The following LRFN5 variants were observed in gnomAD, a reference collection of about 807,000 sequenced individuals.
LRFN5 encodes leucine-rich repeat and fibronectin type-III domain-containing protein 5.
A neutral mutation model predicts 45.6 loss-of-function variants in LRFN5; 24 were observed. The ratio of observed to expected loss-of-function variants is 0.53; its 90% confidence interval spans 0.38 to 0.74. LRFN5 has a LOEUF of 0.74. Among genes scored for constraint, LRFN5 ranks in the 30% least tolerant of loss-of-function variants. The pLI, the probability that LRFN5 is intolerant of heterozygous loss-of-function variation, is 0.00. For synonymous variants in LRFN5, 340 were observed against 313.8 expected (o/e 1.08, Z -0.88); for missense variants, 776 against 861.5 (o/e 0.90, Z 1.24).
At chr14:41,712,645 T>A (rs865821896) in intron 1 of LRFN5, among the ~76,000 whole-genome samples, 1 of 152,276 alleles carries the variant, frequency 6.6e-6, no homozygotes, top group African/African-American at 2.4e-5. Context: ...ATCACAACAA[T>A]TTTTATATAA....
chr14:41,826,737 C>T (rs1244682595), intron 2 of LRFN5, among the ~76,000 whole-genome samples: 1 of 152,048 alleles, frequency 6.6e-6, no homozygotes, highest in Non-Finnish European at 1.5e-5. Flanking sequence ...CTGCCAGTGC[C>T]TACTCACATG....
rs544684149 is a variant in LRFN5, at chr14:41,630,642, A to G, written c.-197+22080A>G. 3.3e-5 allele frequency among the ~76,000 whole-genome samples: 5 copies of G among 152,212 alleles called. No individual in the cohort carries two copies. In the East Asian group the frequency reaches 5.8e-4, roughly 18 times the overall value. The stretch of plus-strand genomic sequence containing the variant: ...TTTAAGAGCATTGCTATTTTGCACT[A>G]TATACTTTTGAGAGAACATAAATGG... On this transcript the variant is annotated intron_variant, in intron 1 of 5. Coordinates refer to ENST00000298119, the MANE Select transcript of LRFN5 (RefSeq NM_152447.5).
intron 4 of LRFN5, chr14:41,892,847 A>C (rs992705046): frequency 2.0e-6 from 2 of 985,240 alleles, no homozygotes; most frequent in Non-Finnish European, 2.4e-6. Flanking sequence ...ATGCATCTAC[A>C]TGGACATATG....
At chr14:41,650,271 A>C (rs112375530) in intron 1 of LRFN5, among the ~76,000 whole-genome samples, 102 of 111,670 alleles carry the variant, frequency 9.1e-4, no homozygotes, top group African/African-American at 1.6e-3. Flanking sequence ...ACACACAAAA[A>C]AAAAAAAGAT....
chr14:41,730,233 T>C (rs1281030976), intron 1 of LRFN5, among the ~76,000 whole-genome samples: 1 of 152,074 alleles, frequency 6.6e-6, no homozygotes, highest in Non-Finnish European at 1.5e-5. Flanking sequence ...CACCTTGTAT[T>C]ACAAAGATGA....
At chr14:41,646,884 T>C (rs1011945112) in intron 1 of LRFN5, among the ~76,000 whole-genome samples, 1 of 152,160 alleles carries the variant, frequency 6.6e-6, no homozygotes, top group African/African-American at 2.4e-5. Context: ...CTAGATCAGC[T>C]TGGAGTCAGA....
At chr14:41,631,803 A>G (rs963261333) in intron 1 of LRFN5, among the ~76,000 whole-genome samples, 49 of 152,328 alleles carry the variant, frequency 3.2e-4, no homozygotes, top group African/African-American at 1.2e-3. Context: ...TAAAATAGCC[A>G]AAGGGCAAAT....
In LRFN5 at chr14:41,758,456, T is replaced by A. The variant is rs1005729529; in HGVS notation, c.-196-8398T>A. 2.6e-5 allele frequency among the ~76,000 whole-genome samples: 4 copies of A among 152,202 alleles called. No individual in the cohort carries two copies. In the East Asian group the frequency reaches 7.7e-4, roughly 29 times the overall value. ...GTTTCTAAATCTAAGCCTCTTTACT[T>A]TGGCTTTACTGTATTTCATTTTGAC... On this transcript the variant is annotated intron_variant, in intron 1 of 5. Coordinates refer to ENST00000298119, the MANE Select transcript of LRFN5 (RefSeq NM_152447.5).
chr14:41,842,922 G>A (rs1480401159), intron 2 of LRFN5, among the ~76,000 whole-genome samples: 3 of 151,920 alleles, frequency 2.0e-5, no homozygotes, highest in Non-Finnish European at 4.4e-5. Flanking sequence ...CTCGAATGAA[G>A]TATTTGATCA....
intron 2 of LRFN5, among the ~76,000 whole-genome samples, chr14:41,807,395 C>T (rs771905654): frequency 1.3e-5 from 2 of 152,034 alleles, no homozygotes; most frequent in Non-Finnish European, 2.9e-5. Context: ...GATATGTTAT[C>T]AGAATGACAG....
At chr14:41,683,861 G>A (rs1257590540) in intron 1 of LRFN5, among the ~76,000 whole-genome samples, 1 of 152,136 alleles carries the variant, frequency 6.6e-6, no homozygotes, top group Admixed American at 6.6e-5. Flanking sequence ...TTATTAAAAT[G>A]TCCATACTGC....
chr14:41,728,382 T>C (rs1884024067), intron 1 of LRFN5, among the ~76,000 whole-genome samples: 1 of 152,122 alleles, frequency 6.6e-6, no homozygotes, highest in Non-Finnish European at 1.5e-5. Flanking sequence ...GAGCCTCCTA[T>C]AGATAGATCA....
chr14:41,734,314 TTTTA>T (rs1444234781), intron 1 of LRFN5, among the ~76,000 whole-genome samples: 5 of 12,002 alleles, frequency 4.2e-4, no homozygotes, highest in Admixed American at 1.4e-3. Flanking sequence ...CCTGGACTGG[TTTTA>T]TATATATATA....
chr14:41,647,467 G>A (rs1291730569), intron 1 of LRFN5, among the ~76,000 whole-genome samples: 1 of 152,154 alleles, frequency 6.6e-6, no homozygotes, highest in Non-Finnish European at 1.5e-5. Flanking sequence ...ATGTAGGTAC[G>A]TCAGGAGATT....
chr14:41,773,035 A>G (rs930533960), intron 2 of LRFN5, among the ~76,000 whole-genome samples: 5 of 152,190 alleles, frequency 3.3e-5, no homozygotes, highest in Non-Finnish European at 7.4e-5. Context: ...AGAGCTTACA[A>G]AACACAAAAT....
rs1889841883 is a variant in LRFN5 at position 41,866,387 on chromosome 14, CT to C, written c.-20-20218del. Reference sequence around the variant, plus strand: ...GGGCAGTTACAGCTGAGGAGCAAGTCTAGGTTACCATTAAAAGAGCTGCAGA... The same window carrying C: ...GGGCAGTTACAGCTGAGGAGCAAGTCAGGTTACCATTAAAAGAGCTGCAGA... On this transcript the variant is annotated intron_variant, in intron 2 of 5. Transcript: ENST00000298119. 3.3e-5 allele frequency among the ~76,000 whole-genome samples: 5 copies of C among 152,196 alleles called. No individual in the cohort carries two copies. The South Asian group carries it at 1.0e-3, about 32-fold the overall frequency.
intron 1 of LRFN5, among the ~76,000 whole-genome samples, chr14:41,643,850 G>A (rs1483456799): frequency 2.0e-5 from 3 of 151,744 alleles, no homozygotes; most frequent in African/African-American, 7.3e-5. Context: ...TCTTCCTATG[G>A]TCATGTTTTT....
At chr14:41,825,438 A>C (rs1345603077) in intron 2 of LRFN5, among the ~76,000 whole-genome samples, 1 of 152,136 alleles carries the variant, frequency 6.6e-6, no homozygotes, top group Non-Finnish European at 1.5e-5. Flanking sequence ...ACATTCAGGG[A>C]GCTCTTGGTA....
At chr14:41,897,439 A>G (rs1164768409) in intron 4 of LRFN5, among the ~76,000 whole-genome samples, 1 of 151,980 alleles carries the variant, frequency 6.6e-6, no homozygotes, top group Non-Finnish European at 1.5e-5. Context: ...GAATAAATAT[A>G]TACATCACAT....
Sources: gnomAD v4.1 joint callset for allele counts (sites outside exome capture counted in the v4.1 genomes callset) on GRCh38, gnomAD v4.1.1 for gene constraint, MANE v1.5 for transcripts, NCBI Gene and HGNC (gene_info 2026-07-23, HGNC 2026-07-21) for gene names.